MGMT: variants seen among roughly 807,000 people sequenced by gnomAD.
MGMT encodes the protein methylated-DNA--protein-cysteine methyltransferase.
Under a neutral mutation model 15.9 loss-of-function variants are expected in MGMT, and 14 were observed. The observed-to-expected ratio is 0.88, with a 90% CI of 0.58 to 1.37. MGMT has a LOEUF of 1.37. Ranked by LOEUF, MGMT falls within the 40% of genes most tolerant of loss-of-function variation. The pLI is 0.00. For synonymous variants in MGMT, 130 were observed against 118.2 expected, an observed-to-expected ratio of 1.10 and a Z score of -0.65; for missense variants, 282 against 268.1, an observed-to-expected ratio of 1.05 and a Z score of -0.36.
intron 2 of MGMT, among the ~76,000 whole-genome samples, chr10:129,555,432 C>T (rs905988969): frequency 3.9e-5 from 6 of 152,128 alleles, no homozygotes; most frequent in African/African-American, 9.7e-5. Flanking sequence ...ATCCATAGGC[C>T]GGGCGTGGTG....
At chr10:129,665,230 AC>A (rs537165067) in intron 2 of MGMT, among the ~76,000 whole-genome samples, 7 of 17,350 alleles carry the variant, frequency 4.0e-4, no homozygotes, top group Admixed American at 6.8e-4. Flanking sequence ...TCCCCCACCC[AC>A]CCCCCAACTC....
At chr10:129,651,045 C>T (rs1847451792) in intron 2 of MGMT, among the ~76,000 whole-genome samples, 1 of 152,184 alleles carries the variant, frequency 6.6e-6, no homozygotes, top group Non-Finnish European at 1.5e-5. Context: ...GCCACAGGAT[C>T]CTGGGGACCC....
intron 2 of MGMT, among the ~76,000 whole-genome samples, chr10:129,685,109 G>C (rs936935333): frequency 1.3e-5 from 2 of 152,182 alleles, no homozygotes; most frequent in African/African-American, 4.8e-5. Context: ...AGCCAATGTC[G>C]TTGGTCAGCT....
intron 2 of MGMT, among the ~76,000 whole-genome samples, chr10:129,604,472 G>C (rs1846863581): frequency 1.3e-5 from 2 of 152,232 alleles, no homozygotes; most frequent in African/African-American, 2.4e-5. Context: ...TCGTGAAAAC[G>C]TGCTTTCTCA....
chr10:129,647,204 C>T lies in MGMT; in HGVS notation c.126-60691C>T, dbSNP rs768909959. Among the ~76,000 whole-genome samples the T allele has an allele frequency of 5.9e-5, 9 of 152,270 alleles. No homozygotes were observed. The South Asian group carries it at 1.2e-3, about 21-fold the overall frequency. ...GCGGAGGCGCCTGCGGAATGGTGGT[C>T]GCTCTCATTAGCTCTGCTCACCCGC... is the stretch of plus-strand genomic sequence containing the variant. On this transcript the variant is annotated intron_variant, in intron 2 of 4. Transcript: ENST00000651593.
chr10:129,700,492 G>A (rs1174813142), intron 2 of MGMT: 1 of 152,186 alleles, frequency 6.6e-6, no homozygotes, highest in Non-Finnish European at 1.5e-5. Flanking sequence ...GAAGGCGGAA[G>A]TGCTGTTTCT....
chr10:129,470,937 C>T (rs1246829522), intron 1 of MGMT, among the ~76,000 whole-genome samples: 1 of 152,120 alleles, frequency 6.6e-6, no homozygotes, highest in East Asian at 1.9e-4. Flanking sequence ...GGTGAGAGTG[C>T]AATAAATGCC....
chr10:129,723,996 G>A (rs2150920), intron 3 of MGMT, among the ~76,000 whole-genome samples: 80,982 of 152,042 alleles, frequency 0.53, 21,989 homozygotes, highest in Middle Eastern at 0.71. Flanking sequence ...CTCCTACCCC[G>A]CTACCCAACA....
At chr10:129,489,400 C>T (rs1435163461) in intron 1 of MGMT, among the ~76,000 whole-genome samples, 1 of 147,652 alleles carries the variant, frequency 6.8e-6, no homozygotes, top group East Asian at 2.1e-4. Context: ...GTGAGTAAAT[C>T]CTCATATCTT....
intron 2 of MGMT, among the ~76,000 whole-genome samples, chr10:129,677,840 C>T (rs999991382): frequency 3.9e-5 from 6 of 152,232 alleles, no homozygotes; most frequent in Non-Finnish European, 5.9e-5. Context: ...GGCCAGGTTC[C>T]GGGGGCATCT....
chr10:129,535,739 T>A (rs572770562), intron 1 of MGMT, among the ~76,000 whole-genome samples: 1 of 152,362 alleles, frequency 6.6e-6, no homozygotes, highest in South Asian at 2.1e-4. Flanking sequence ...CCGGGCTGGC[T>A]CCTAACACAG....
intron 2 of MGMT, among the ~76,000 whole-genome samples, chr10:129,639,301 A>T (rs769218884): frequency 3.9e-5 from 6 of 152,206 alleles, no homozygotes; most frequent in Non-Finnish European, 5.9e-5. Flanking sequence ...TTACATAGCG[A>T]TAAAGTATTC....
chr10:129,727,439 C>A (rs1848446740), intron 3 of MGMT, among the ~76,000 whole-genome samples: 1 of 152,202 alleles, frequency 6.6e-6, no homozygotes, highest in South Asian at 2.1e-4. Context: ...CCCCAAGTGA[C>A]AACTGCTGAG....
At chr10:129,627,882 G>A (rs1474322399) in intron 2 of MGMT, among the ~76,000 whole-genome samples, 1 of 152,218 alleles carries the variant, frequency 6.6e-6, no homozygotes, top group African/African-American at 2.4e-5. Flanking sequence ...GGAGCTGAGA[G>A]TAAATTATAT....
At position 129,668,137 on chromosome 10, in the gene MGMT, G is replaced by A. The variant is rs151258169; in HGVS notation, c.126-39758G>A. Among the ~76,000 whole-genome samples, 8 of 152,208 alleles carry A rather than the reference G, an allele frequency of 5.3e-5. No homozygotes were observed. In the East Asian group the frequency reaches 1.5e-3, roughly 29 times the overall value. ...TGGTGCATTTTGTCAGGTTTAAGAA[G>A]TCTTTTCTCTCCCATAAGAACGTGA... On this transcript the variant is annotated intron_variant, in intron 2 of 4. Transcript: ENST00000651593.
At chr10:129,705,464 T>C (rs1848150006) in intron 2 of MGMT, among the ~76,000 whole-genome samples, 1 of 152,192 alleles carries the variant, frequency 6.6e-6, no homozygotes, top group Non-Finnish European at 1.5e-5. Flanking sequence ...TAAGCTATAG[T>C]TATCTTTATT....
intron 1 of MGMT, among the ~76,000 whole-genome samples, chr10:129,484,252 C>T (rs35085200): frequency 0.1 from 15,711 of 152,190 alleles, 990 homozygotes; most frequent in Non-Finnish European, 0.13. Flanking sequence ...GCTCCAATTG[C>T]GCATGTGCTG....
At chr10:129,523,635 T>G (rs530888301) in intron 1 of MGMT, among the ~76,000 whole-genome samples, 2 of 152,304 alleles carry the variant, frequency 1.3e-5, no homozygotes, top group East Asian at 3.9e-4. Context: ...CCGTCTTGCT[T>G]TCACGGGATT....
In MGMT at chr10:129,544,226, T is replaced by C. The variant is rs548924357; in HGVS notation, c.125+7849T>C. ...ATGGAACCTTGGCACAATCCAGTTCTCATCTAGAATTACATTGTATGCTGT... is the reference window on the plus strand; with the variant it reads ...ATGGAACCTTGGCACAATCCAGTTCCCATCTAGAATTACATTGTATGCTGT... On this transcript the variant is annotated intron_variant, in intron 2 of 4. Coordinates refer to ENST00000651593, the MANE Select transcript of MGMT (RefSeq NM_002412.5). 2.0e-5 allele frequency among the ~76,000 whole-genome samples: 3 copies of C among 152,292 alleles called. No individual in the cohort carries two copies. The South Asian group carries it at 6.2e-4, about 32-fold the overall frequency.
Sources: allele counts gnomAD v4.1 joint callset (sites outside exome capture counted in the v4.1 genomes callset), GRCh38; gene constraint gnomAD v4.1.1; transcripts MANE v1.5; gene names NCBI Gene and HGNC (gene_info 2026-07-23, HGNC 2026-07-21).